The following TENM2 variants were observed in gnomAD, a reference collection of about 807,000 sequenced individuals.
The protein encoded by TENM2 is teneurin transmembrane protein 2.
In TENM2, 52 loss-of-function variants were observed where a neutral mutation model predicts 245.2. That is an observed-to-expected ratio of 0.21 (90% confidence interval 0.17 to 0.27). TENM2 has a LOEUF of 0.27. TENM2 is among the 10% of genes least tolerant of loss of function. The pLI is 1.00. For missense variants in TENM2, 3,046 were observed against 3,666.8 expected (o/e 0.83, Z 4.37); for synonymous variants, 1,363 against 1,438.9 (o/e 0.95, Z 1.19).
intron 2 of TENM2, among the ~76,000 whole-genome samples, chr5:167,856,154 C>A (rs2973670): frequency 0.91 from 138,204 of 152,120 alleles, 63,485 homozygotes; most frequent in Non-Finnish European, 0.99. Flanking sequence ...CAATGTGACC[C>A]GTTTTCTGGG....
the TENM2 span, among the ~76,000 whole-genome samples, chr5:167,075,635 C>A: frequency 6.6e-6 from 1 of 152,156 alleles, no homozygotes; most frequent in South Asian, 2.1e-4. Flanking sequence ...TCAATTCTTT[C>A]ATAACGTGTT....
intron 1 of TENM2, among the ~76,000 whole-genome samples, chr5:167,331,695 A>G (rs1430864757): frequency 6.6e-6 from 1 of 152,228 alleles, no homozygotes; most frequent in Non-Finnish European, 1.5e-5. Context: ...GAGATGCACC[A>G]TTGAAATAAA....
At chr5:167,371,732 T>C (rs1760454115) in intron 1 of TENM2, among the ~76,000 whole-genome samples, 1 of 152,122 alleles carries the variant, frequency 6.6e-6, no homozygotes, top group Non-Finnish European at 1.5e-5. Context: ...GATTAATGCC[T>C]TTTTCCCCGA....
chr5:167,691,779 GA>G lies in TENM2; in HGVS notation c.503-184204del, dbSNP rs75315362. On this transcript the variant is annotated intron_variant, in intron 2 of 28. Transcript: ENST00000518659. ...GGGAGTTCTCCAGGAGAGTCTTCAG[GA>G]AATTGATGGACAAGGGGGATCTCGC... 0.013 allele frequency among the ~76,000 whole-genome samples: 1,984 copies of G among 152,250 alleles called. 65 individuals carry two copies. The East Asian group carries it at 0.14, about 10-fold the overall frequency.
chr5:168,069,963 C>T (rs1213820700), intron 7 of TENM2, among the ~76,000 whole-genome samples: 1 of 152,094 alleles, frequency 6.6e-6, no homozygotes, highest in African/African-American at 2.4e-5. Context: ...AAGATCGGCA[C>T]ATCAAAGAGG....
chr5:167,777,134 T>C (rs1182311627), intron 2 of TENM2, among the ~76,000 whole-genome samples: 1 of 152,148 alleles, frequency 6.6e-6, no homozygotes, highest in African/African-American at 2.4e-5. Context: ...GCTATGCATA[T>C]GTTTATATGT....
intron 2 of TENM2, among the ~76,000 whole-genome samples, chr5:167,416,389 C>G (rs1469961477): frequency 6.6e-6 from 1 of 152,176 alleles, no homozygotes; most frequent in Admixed American, 6.6e-5. Flanking sequence ...TTACAGCAAT[C>G]CTGAAAACAT....
At chr5:167,717,695 A>G (rs1427584738) in intron 2 of TENM2, among the ~76,000 whole-genome samples, 1 of 152,182 alleles carries the variant, frequency 6.6e-6, no homozygotes, top group Non-Finnish European at 1.5e-5. Flanking sequence ...CAGCTCTTCA[A>G]TACAATCAAA....
At chr5:167,897,288 T>C (rs1421558405) in intron 3 of TENM2, among the ~76,000 whole-genome samples, 1 of 70,752 alleles carries the variant, frequency 1.4e-5, no homozygotes, top group East Asian at 1.0e-3. Flanking sequence ...GCTGAACTGG[T>C]ACCTTTTTTT....
At chr5:168,039,990 C>T (rs1306221671) in intron 5 of TENM2, among the ~76,000 whole-genome samples, 7 of 152,134 alleles carry the variant, frequency 4.6e-5, no homozygotes, top group East Asian at 1.9e-4. Context: ...TGATTAATCT[C>T]GTACCACCTC....
intron 12 of TENM2, among the ~76,000 whole-genome samples, chr5:168,154,970 A>G (rs1170439425): frequency 6.6e-6 from 1 of 152,214 alleles, no homozygotes; most frequent in Non-Finnish European, 1.5e-5. Context: ...GTGCAGGTTC[A>G]TGGCTGCGTG....
the TENM2 span, among the ~76,000 whole-genome samples, chr5:167,244,741 T>C: frequency 6.6e-6 from 1 of 152,164 alleles, no homozygotes; most frequent in Non-Finnish European, 1.5e-5. Context: ...CTGTGAGTGG[T>C]GTCTCTCAGT....
At chr5:167,547,271 A>G (rs940949351) in intron 2 of TENM2, among the ~76,000 whole-genome samples, 5 of 152,084 alleles carry the variant, frequency 3.3e-5, no homozygotes, top group Non-Finnish European at 7.4e-5. Flanking sequence ...TGTTTAGTAC[A>G]TGTTGGCCAG....
At chr5:167,167,233 G>A in the TENM2 span, among the ~76,000 whole-genome samples, 5 of 152,130 alleles carry the variant, frequency 3.3e-5, no homozygotes, top group Non-Finnish European at 7.4e-5. Flanking sequence ...CAATTGTCTA[G>A]GAGACTACAG....
At chr5:167,691,515 T>C (rs1224114688) in intron 2 of TENM2, among the ~76,000 whole-genome samples, 1 of 152,224 alleles carries the variant, frequency 6.6e-6, no homozygotes, top group East Asian at 1.9e-4. Context: ...AATTGAATAG[T>C]GTGCAAATGA....
chr5:167,183,566 G>A, the TENM2 span, among the ~76,000 whole-genome samples: 1 of 152,188 alleles, frequency 6.6e-6, no homozygotes, highest in African/African-American at 2.4e-5. Flanking sequence ...ATCATGTTTA[G>A]GTTTCTTGTT....
chr5:167,469,513 T>A (rs1359644387), intron 2 of TENM2, among the ~76,000 whole-genome samples: 1 of 152,162 alleles, frequency 6.6e-6, no homozygotes, highest in East Asian at 1.9e-4. Flanking sequence ...TCCGACATTT[T>A]CTAGAATATT....
chr5:167,835,700 C>T (rs1055680206), intron 2 of TENM2, among the ~76,000 whole-genome samples: 2 of 151,902 alleles, frequency 1.3e-5, no homozygotes, highest in Admixed American at 1.3e-4. Flanking sequence ...GTAATGGAAG[C>T]TGCATATGAA....
At chr5:167,014,778 T>A in the TENM2 span, among the ~76,000 whole-genome samples, 1 of 152,186 alleles carries the variant, frequency 6.6e-6, no homozygotes, top group Non-Finnish European at 1.5e-5. Flanking sequence ...GCTTAGAGTC[T>A]AAGACTGATC....
Sources: gnomAD v4.1 joint callset for allele counts (sites outside exome capture counted in the v4.1 genomes callset) on GRCh38, gnomAD v4.1.1 for gene constraint, MANE v1.5 for transcripts, NCBI Gene and HGNC (gene_info 2026-07-23, HGNC 2026-07-21) for gene names.